The following ESR1 variants were observed in gnomAD, a reference collection of about 807,000 sequenced individuals.
ESR1 encodes estrogen receptor.
In ESR1, 12 loss-of-function variants were observed where a neutral mutation model predicts 52.7. The ratio of observed to expected loss-of-function variants is 0.23; its 90% CI spans 0.15 to 0.37. ESR1 has a LOEUF of 0.37. Among genes scored for constraint, ESR1 ranks in the 10% least tolerant of loss-of-function variants. The pLI is 1.00. For missense variants in ESR1, 584 were observed against 779.7 expected, an observed-to-expected ratio of 0.75 and a Z score of 2.99; for synonymous variants, 305 against 316.8, an observed-to-expected ratio of 0.96 and a Z score of 0.39.
intron 4 of ESR1, among the ~76,000 whole-genome samples, chr6:151,961,257 C>T (rs765960025): frequency 2.0e-5 from 3 of 152,048 alleles, no homozygotes; most frequent in South Asian, 4.2e-4. Context: ...AGAGGGAACC[C>T]GCAAAGGAGA....
At chr6:151,960,160 G>T (rs1222767121) in intron 4 of ESR1, among the ~76,000 whole-genome samples, 3 of 152,166 alleles carry the variant, frequency 2.0e-5, no homozygotes, top group Non-Finnish European at 4.4e-5. Flanking sequence ...GGCAGCTCCA[G>T]GTTCATTGAT....
chr6:151,678,970 C>A (rs1778356887), intron 1 of ESR1, among the ~76,000 whole-genome samples: 1 of 152,218 alleles, frequency 6.6e-6, no homozygotes, highest in African/African-American at 2.4e-5. Context: ...CAGGCATGAG[C>A]CACCACACCC....
upstream of ESR1, chr6:151,807,659 A>C (rs539228244): frequency 1.4e-4 from 84 of 593,640 alleles, no homozygotes; most frequent in African/African-American, 1.0e-3. Flanking sequence ...CAGTACTTAA[A>C]GTTGGAGGCC....
intron 3 of ESR1, among the ~76,000 whole-genome samples, chr6:151,917,774 C>G (rs953764852): frequency 7.2e-5 from 11 of 152,124 alleles, no homozygotes; most frequent in African/African-American, 2.7e-4. Flanking sequence ...TTCGGCTAAA[C>G]AGTGTTGAGC....
chr6:152,087,082 C>G (rs2049783762), intron 6 of ESR1, among the ~76,000 whole-genome samples: 1 of 152,128 alleles, frequency 6.6e-6, no homozygotes, highest in Non-Finnish European at 1.5e-5. Context: ...CTTTATCAAA[C>G]TAAACATTCA....
At chr6:152,011,363 A>G (rs1178100534) in intron 4 of ESR1, among the ~76,000 whole-genome samples, 1 of 152,168 alleles carries the variant, frequency 6.6e-6, no homozygotes, top group Non-Finnish European at 1.5e-5. Context: ...GAAGGCACAC[A>G]AGTTTTCACA....
chr6:151,930,183 A>G (rs1363882273), intron 3 of ESR1, among the ~76,000 whole-genome samples: 2 of 152,004 alleles, frequency 1.3e-5, no homozygotes, highest in Non-Finnish European at 2.9e-5. Flanking sequence ...GAGTTTCTCC[A>G]TGTTGGTCAG....
At chr6:151,939,102 T>C (rs1452822766) in intron 3 of ESR1, among the ~76,000 whole-genome samples, 1 of 152,228 alleles carries the variant, frequency 6.6e-6, no homozygotes, top group Non-Finnish European at 1.5e-5. Flanking sequence ...AATATACTGC[T>C]CAACCATTCT....
At chr6:152,037,162 G>A (rs949416654) in intron 5 of ESR1, among the ~76,000 whole-genome samples, 5 of 152,080 alleles carry the variant, frequency 3.3e-5, no homozygotes, top group African/African-American at 1.2e-4. Context: ...TTGTTCTGTT[G>A]GACTAAGGAT....
intron 5 of ESR1, among the ~76,000 whole-genome samples, chr6:152,057,812 A>G (rs1436167465): frequency 6.6e-6 from 1 of 152,090 alleles, no homozygotes; most frequent in Non-Finnish European, 1.5e-5. Context: ...TAGAGCAAGC[A>G]TTATATTGTT....
chr6:151,721,177 A>G (rs547682351), intron 2 of ESR1, among the ~76,000 whole-genome samples: 12 of 152,328 alleles, frequency 7.9e-5, no homozygotes, highest in Admixed American at 5.9e-4. Flanking sequence ...TAAAGGATTC[A>G]TAGATGTTTA....
chr6:151,759,010 C>T (rs1784470237), intron 2 of ESR1, among the ~76,000 whole-genome samples: 1 of 151,954 alleles, frequency 6.6e-6, no homozygotes, highest in African/African-American at 2.4e-5. Context: ...GACGCAGTGG[C>T]TCACGCCTGT....
At chr6:152,029,658 C>T (rs1275661572) in intron 5 of ESR1, among the ~76,000 whole-genome samples, 1 of 152,086 alleles carries the variant, frequency 6.6e-6, no homozygotes, top group African/African-American at 2.4e-5. Context: ...ACCAAATCTA[C>T]GTCTGATTGG....
chr6:151,943,099 G>A (rs1268501615), intron 3 of ESR1, among the ~76,000 whole-genome samples: 1 of 152,072 alleles, frequency 6.6e-6, no homozygotes, highest in East Asian at 1.9e-4. Flanking sequence ...CTTTGTGGGG[G>A]GCCGGGCACT....
intron 1 of ESR1, among the ~76,000 whole-genome samples, chr6:151,700,790 T>C (rs955582230): frequency 1.3e-5 from 2 of 149,006 alleles, no homozygotes; most frequent in African/African-American, 5.0e-5. Flanking sequence ...AAGTTAAGAA[T>C]TCAACAAGTT....
intron 2 of ESR1, among the ~76,000 whole-genome samples, chr6:151,707,025 G>A (rs1780237774): frequency 6.6e-6 from 1 of 152,180 alleles, no homozygotes; most frequent in Non-Finnish European, 1.5e-5. Flanking sequence ...TAAGCCGTGT[G>A]TTTAGGTTAG....
chr6:151,761,664 C>T (rs1359513163), intron 2 of ESR1, among the ~76,000 whole-genome samples: 1 of 152,168 alleles, frequency 6.6e-6, no homozygotes, highest in Non-Finnish European at 1.5e-5. Flanking sequence ...ACAGTAAGCC[C>T]TCAATAAATG....
intron 5 of ESR1, among the ~76,000 whole-genome samples, chr6:152,015,284 C>G (rs2043084935): frequency 6.6e-6 from 1 of 152,152 alleles, no homozygotes; most frequent in Non-Finnish European, 1.5e-5. Flanking sequence ...AGAGTCATAT[C>G]TACCTATAAG....
intron 2 of ESR1, among the ~76,000 whole-genome samples, chr6:151,707,990 T>A (rs1216437105): frequency 1.3e-5 from 2 of 152,138 alleles, no homozygotes; most frequent in African/African-American, 4.8e-5. Flanking sequence ...GGGTCTTTTT[T>A]CCTCCCTTTT....
Sources: allele counts gnomAD v4.1 joint callset (sites outside exome capture counted in the v4.1 genomes callset), GRCh38; gene constraint gnomAD v4.1.1; transcripts MANE v1.5; gene names NCBI Gene and HGNC (gene_info 2026-07-23, HGNC 2026-07-21).